Variants in CHD2 observed in about 807,000 individuals in gnomAD.
CHD2 encodes the protein ATP-dependent chromatin remodeler CHD2.
Under a neutral mutation model 243.9 loss-of-function variants are expected in CHD2, and 28 were observed. That is an observed-to-expected ratio of 0.11 (90% confidence interval 0.09 to 0.16). CHD2 has a LOEUF of 0.16. Ranked by LOEUF, CHD2 falls within the 10% of genes least tolerant of loss-of-function variation. CHD2 has a pLI of 1.00. For synonymous variants in CHD2, 775 were observed against 779.0 expected (o/e 0.99, Z 0.09); for missense variants, 1,386 against 2,209.8 (o/e 0.63, Z 7.47).
At chr15:92,995,198 T>G (rs775701153) in intron 28 of CHD2, among the ~76,000 whole-genome samples, 3 of 152,212 alleles carry the variant, frequency 2.0e-5, no homozygotes, top group Non-Finnish European at 4.4e-5. Context: ...TCAAAGTTAT[T>G]CCTTTCTCTG....
intron 13 of CHD2, chr15:92,950,570 T>C (rs968477801): frequency 1.1e-4 from 17 of 152,106 alleles, no homozygotes; most frequent in African/African-American, 3.9e-4. Flanking sequence ...CTGTGCAACA[T>C]GGCAAAACCC....
chr15:92,991,832 A>C lies in CHD2; in HGVS notation c.3455+315A>C, dbSNP rs118061449. 1.7e-3 allele frequency: 379 copies of C among 221,428 alleles called. 3 individuals carry two copies. Among genetic ancestry groups the C allele is most frequent in the Middle Eastern group, 4.5e-3 (3 of 662 alleles). 13.7% of individuals were successfully genotyped at this position (221,428 alleles called of 1,614,324 possible). A position where few individuals can be genotyped will look rare whatever the true frequency, so the allele number is the denominator to read the frequency against. ...GTTCATGTAACTCCAGTTGAAAAGAATGTATGTAGTTATTATTTGTATCCT... is the reference window on the plus strand; with the variant it reads ...GTTCATGTAACTCCAGTTGAAAAGACTGTATGTAGTTATTATTTGTATCCT... On this transcript the variant is annotated intron_variant, in intron 27 of 38. Coordinates refer to ENST00000394196, the MANE Select transcript of CHD2 (RefSeq NM_001271.4).
chr15:92,989,644 G>A (rs2054091171), intron 26 of CHD2, among the ~76,000 whole-genome samples: 1 of 152,206 alleles, frequency 6.6e-6, no homozygotes, highest in African/African-American at 2.4e-5. Context: ...GAAGGGCTGG[G>A]TATGTGTTGT....
chr15:92,993,813 G>T (rs140972241), intron 28 of CHD2, among the ~76,000 whole-genome samples: 2 of 151,988 alleles, frequency 1.3e-5, no homozygotes, highest in African/African-American at 4.8e-5. Context: ...GAAAGTAGTA[G>T]GATGCACACC....
chr15:92,994,282 A>C (rs943004485), intron 28 of CHD2, among the ~76,000 whole-genome samples: 3 of 152,242 alleles, frequency 2.0e-5, no homozygotes, highest in Non-Finnish European at 2.9e-5. Context: ...TAATTGAATA[A>C]TTCCATACTT....
Position 93,020,180 on chromosome 15 carries a change from A to G in CHD2, c.5075A>G (p.Asn1692Ser). The change falls in exon 38 of 39, where the codon AAC becomes AGC. Residue 1692 changes from asparagine (N) to serine (S), a missense_variant. By Grantham distance (46) the Asn-to-Ser change is conservative (BLOSUM62 1). Around this residue, in one of 19 missense-constraint regions of CHD2, gnomAD observed 347 missense variants for 341.6 expected, o/e 1.02. Coordinates refer to ENST00000394196, the MANE Select transcript of CHD2 (RefSeq NM_001271.4). ...CACCGTTCCGGAAGCTATCGACCCA[A>G]CAACATGTCCAGAAAGAGGCCTTAT... ...DAHRSGSYRP[N>S]NMSRKRPYDQ... is the part of the protein sequence containing the mutation. 1 of 1,614,148 alleles carries G rather than the reference A, an allele frequency of 6.2e-7. No homozygotes were observed. The highest frequency in any genetic ancestry group is 8.5e-7 in the Non-Finnish European group (1 of 1,180,018).
intron 15 of CHD2, among the ~76,000 whole-genome samples, chr15:92,955,969 G>T (rs966994471): frequency 1.3e-5 from 2 of 152,168 alleles, no homozygotes; most frequent in African/African-American, 4.8e-5. Context: ...TCTTTGTGAG[G>T]AGGACAAAAA....
chr15:92,936,716 A>G (rs1176454340), intron 5 of CHD2, among the ~76,000 whole-genome samples: 1 of 152,206 alleles, frequency 6.6e-6, no homozygotes, highest in Non-Finnish European at 1.5e-5. Flanking sequence ...TAAAATATCT[A>G]GTATAGTGGT....
At chr15:92,944,144 T>A (rs563165006) in intron 9 of CHD2, 1 of 210,302 alleles carries the variant, frequency 4.8e-6, no homozygotes, top group East Asian at 9.6e-5. Flanking sequence ...AAAGAGTTAT[T>A]TTTGGGTCTC....
intron 35 of CHD2, among the ~76,000 whole-genome samples, chr15:93,009,694 T>C (rs1440762124): frequency 6.6e-6 from 1 of 152,246 alleles, no homozygotes; most frequent in African/African-American, 2.4e-5. Flanking sequence ...CTGTATCTAA[T>C]ACAACTAATT....
chr15:92,910,491 C>T (rs1462511578), intron 2 of CHD2, among the ~76,000 whole-genome samples: 1 of 152,012 alleles, frequency 6.6e-6, no homozygotes, highest in African/African-American at 2.4e-5. Flanking sequence ...CTCCCAGGTT[C>T]AAGCGATTGT....
At chr15:92,924,246 A>G (rs563636111) in intron 2 of CHD2, 75 bp from the exon 3 acceptor site, 11 of 1,328,388 alleles carry the variant, frequency 8.3e-6, no homozygotes, top group Non-Finnish European at 1.2e-5. Context: ...ATGTTTTACC[A>G]TGAGAATTTT....
chr15:92,960,779 A>G (rs1313679142), intron 16 of CHD2, among the ~76,000 whole-genome samples: 1 of 134,438 alleles, frequency 7.4e-6, no homozygotes, highest in Non-Finnish European at 1.5e-5. Flanking sequence ...CAATGGCACC[A>G]TCTCGGCTCA....
chr15:92,971,917 A>C lies in CHD2; in HGVS notation c.2342A>C (p.Glu781Ala). 1 of 1,610,106 alleles carries C rather than the reference A, an allele frequency of 6.2e-7. No homozygotes were observed. Among genetic ancestry groups the C allele is most frequent in the Non-Finnish European group, 8.5e-7 (1 of 1,178,866 alleles). ...GAAAATGAAAGGGAAAATGGACAGG[A>C]GATTCTTCTGGTAGGTAGTTCCTCA... ...PEENERENGQ[E>A]ILLSLIRSSG... Residue 781 changes from glutamate to alanine, a missense_variant, in exon 18 of 39, where the codon GAG (glutamate) becomes GCG (alanine). Physicochemically the swap from Glu to Ala is moderately radical, Grantham distance 107. This residue lies in a region of CHD2 where 118 missense variants were observed against 266.3 expected (regional missense o/e 0.44). Coordinates refer to ENST00000394196, the MANE Select transcript of CHD2 (RefSeq NM_001271.4).
rs576903035 is a variant in CHD2 at position 93,004,872 on chromosome 15, A to G, written c.4413+121A>G. On this transcript the variant is annotated intron_variant, in intron 34 of 38. Coordinates refer to ENST00000394196, the MANE Select transcript of CHD2 (RefSeq NM_001271.4). Reference sequence around the variant, plus strand: ...AGCAATAGTACATTACTTGGGAAACACATTGCTTACAGTATCGGAAGACCA... The same window carrying G: ...AGCAATAGTACATTACTTGGGAAACGCATTGCTTACAGTATCGGAAGACCA... The G allele has an allele frequency of 3.4e-5, 35 of 1,016,180 alleles. No individual in the cohort carries two copies. The South Asian group carries it at 7.9e-4, about 23-fold the overall frequency. The allele number at this position is 1,016,180 out of a possible 1,614,324, so 62.9% of individuals were successfully genotyped here.
chr15:92,936,983 T>A (rs1244043426), intron 5 of CHD2, among the ~76,000 whole-genome samples: 1 of 152,158 alleles, frequency 6.6e-6, no homozygotes, highest in Non-Finnish European at 1.5e-5. Flanking sequence ...GCCTCCTTAG[T>A]AACTAGGACT....
chr15:92,957,125 T>C (rs1444092985), intron 16 of CHD2, among the ~76,000 whole-genome samples: 1 of 152,220 alleles, frequency 6.6e-6, no homozygotes, highest in Non-Finnish European at 1.5e-5. Context: ...TCATAAAACT[T>C]AAAATTATCC....
At chr15:92,949,378 G>A in intron 13 of CHD2, 2 of 388,934 alleles carry the variant, frequency 5.1e-6, no homozygotes, top group Non-Finnish European at 4.0e-6. Flanking sequence ...AGCAAGTTAA[G>A]TCACTCAAAT....
At chr15:92,946,242 T>C in intron 12 of CHD2, 26 bp downstream of exon 12, 1 of 1,580,182 alleles carries the variant, frequency 6.3e-7, no homozygotes. Flanking sequence ...GCTTTTGTTT[T>C]TTCAGGGAGA....
Sources: gnomAD v4.1 joint callset for allele counts (sites outside exome capture counted in the v4.1 genomes callset) on GRCh38, gnomAD v4.1.1 for gene constraint, gnomAD v4.1.1 regional missense constraint, MANE v1.5 for transcripts, NCBI Gene and HGNC (gene_info 2026-07-23, HGNC 2026-07-21) for gene names.